Variants in RUBCN observed in about 807,000 individuals in gnomAD.
RUBCN encodes run domain Beclin-1-interacting and cysteine-rich domain-containing protein.
Under a neutral mutation model 113.2 loss-of-function variants are expected in RUBCN, and 74 were observed. The observed-to-expected ratio is 0.65, with a 90% CI of 0.54 to 0.79. The LOEUF (loss-of-function observed/expected upper bound fraction) is 0.79. Among genes scored for constraint, RUBCN ranks in the 30% least tolerant of loss-of-function variants. RUBCN has a pLI of 0.00. For synonymous variants in RUBCN, 480 were observed against 490.0 expected (o/e 0.98, Z 0.27); for missense variants, 1,109 against 1,251.7 (o/e 0.89, Z 1.72).
At chr3:197,712,715 C>T (rs1725089391) in intron 2 of RUBCN, among the ~76,000 whole-genome samples, 2 of 151,884 alleles carry the variant, frequency 1.3e-5, no homozygotes, top group Admixed American at 6.6e-5. Flanking sequence ...CTGGGGTTCT[C>T]AGGATAGGAG....
chr3:197,693,712 T>C lies in RUBCN; in HGVS notation c.1786+3A>G. Reference sequence around the variant, plus strand: ...TCCCTTGTAACAAAGTGTCACTTCTTACCTTGGATTTCAAATTCATCAACC... The same window carrying C: ...TCCCTTGTAACAAAGTGTCACTTCTCACCTTGGATTTCAAATTCATCAACC... On this transcript the variant is annotated splice_donor_region_variant and intron_variant, in intron 11 of 19. Transcript: ENST00000296343. The C allele has an allele frequency of 6.3e-7, 1 of 1,597,846 alleles. No homozygotes were observed. Among genetic ancestry groups the C allele is most frequent in the East Asian group, 2.2e-5 (1 of 44,788 alleles).
chr3:197,684,064 T>C, intron 12 of RUBCN, 93 bp downstream of exon 12: 2 of 988,974 alleles, frequency 2.0e-6, no homozygotes, highest in Non-Finnish European at 3.2e-6. Context: ...TACATCTGGA[T>C]GGCTTTGCCC....
At chr3:197,715,183 G>A (rs1343175620) in intron 2 of RUBCN, among the ~76,000 whole-genome samples, 8 of 151,558 alleles carry the variant, frequency 5.3e-5, no homozygotes, top group Non-Finnish European at 1.0e-4. Context: ...CAGCTACTCG[G>A]GAGGCTGAGG....
In RUBCN at chr3:197,703,610, G is replaced by A. The variant is rs1184260902; in HGVS notation, c.508C>T (p.Gln170Ter). ...TTCTGTTCCACTGCTTCCAGGCACT[G>A]CAGCATGGCCGTGACATGAGCGTCA... ...LSDAHVTAML[Q>*]CLEAVEQNNP... The change falls in exon 5 of 20, where the codon CAG becomes TAG. Residue 170 changes from glutamine (Q) to a stop codon, truncating the protein, a stop_gained. Transcript: ENST00000296343. LOFTEE classifies it high-confidence loss of function. 1 of 1,613,896 alleles carries A rather than the reference G, an allele frequency of 6.2e-7. No individual in the cohort carries two copies. Among genetic ancestry groups the A allele is most frequent in the South Asian group, 1.1e-5 (1 of 91,068 alleles).
rs373600297 is a variant in RUBCN, at chr3:197,676,951, C to G, written c.2580G>C (p.Lys860Asn). 7 of 1,614,236 alleles carry G rather than the reference C, an allele frequency of 4.3e-6. No homozygotes were observed. The highest frequency in any genetic ancestry group is 2.2e-5 in the East Asian group (1 of 44,890). The change falls in exon 18 of 20, where the codon AAG becomes AAC. Residue 860 changes from lysine (K) to asparagine (N), a missense_variant. This residue lies in a region of RUBCN where 306 missense variants were observed against 348.9 expected (regional missense o/e 0.88). Coordinates refer to ENST00000296343, the MANE Select transcript of RUBCN (RefSeq NM_014687.4). ...CAGCAAGCCGGGGCCCCAGCTCCCCCTTCCTGGTCGCAGTCAGGTCATTCA... is the reference window on the plus strand; with the variant it reads ...CAGCAAGCCGGGGCCCCAGCTCCCCGTTCCTGGTCGCAGTCAGGTCATTCA... ...YSLNDLTATR[K>N]GELGPRLAEL...
intron 1 of RUBCN, among the ~76,000 whole-genome samples, chr3:197,732,155 G>A (rs765070509): frequency 2.0e-5 from 3 of 152,302 alleles, no homozygotes; most frequent in South Asian, 2.1e-4. Flanking sequence ...CCTGGATCAC[G>A]GTGCCAGGAG....
rs907225236 is a variant in RUBCN at position 197,693,697 on chromosome 3, C to CA, written c.1786+17dup. 2.6e-6 allele frequency: 4 copies of CA among 1,530,360 alleles called. No homozygotes were observed. Among genetic ancestry groups the CA allele is most frequent in the Middle Eastern group, 1.7e-4 (1 of 5,930 alleles). The allele number at this position is 1,530,360 out of a possible 1,614,324, so 94.8% of individuals were successfully genotyped here. ...AAACAGAATAAAAGTTCCCTTGTAA[C>CA]AAAGTGTCACTTCTTACCTTGGATT... On this transcript the variant is annotated intron_variant, in intron 11 of 19. Transcript: ENST00000296343.
Position 197,701,057 on chromosome 3 carries a change from T to C in RUBCN, c.817A>G (p.Ile273Val). The change falls in exon 7 of 20, where the codon ATC becomes GTC. Residue 273 changes from isoleucine to valine, a missense_variant. Ile to Val is a conservative substitution (Grantham distance 29). Around this residue, in one of 3 missense-constraint regions of RUBCN, gnomAD observed 736 missense variants for 779.6 expected, o/e 0.94. Coordinates refer to ENST00000296343, the MANE Select transcript of RUBCN (RefSeq NM_014687.4). ...GHVSPAEDQT[I>V]QAPPVSVSAL... ...GAGACTGAAACTGGGGGGGCTTGGA[T>C]GGTTTGATCCTCTGCTGGTGAGACG... 8 of 1,613,290 alleles carry C rather than the reference T, an allele frequency of 5.0e-6. No individual in the cohort carries two copies. Among genetic ancestry groups the C allele is most frequent in the Non-Finnish European group, 6.8e-6 (8 of 1,179,558 alleles).
intron 10 of RUBCN, 56 bp downstream of exon 10, chr3:197,694,319 C>T: frequency 2.7e-6 from 4 of 1,474,974 alleles, no homozygotes; most frequent in Non-Finnish European, 3.8e-6. Flanking sequence ...GGGCACCAGG[C>T]CTTATGCTGA....
intron 2 of RUBCN, among the ~76,000 whole-genome samples, chr3:197,714,359 G>T (rs1725284900): frequency 1.3e-5 from 2 of 152,076 alleles, no homozygotes; most frequent in South Asian, 4.1e-4. Flanking sequence ...TTGAGACAGG[G>T]TCTCCCTCTA....
At chr3:197,743,592 C>G (rs1728615040) in intron 1 of RUBCN, among the ~76,000 whole-genome samples, 1 of 152,178 alleles carries the variant, frequency 6.6e-6, no homozygotes, top group Non-Finnish European at 1.5e-5. Context: ...AAGACAGCAG[C>G]AGACAGGTAG....
At chr3:197,707,325 C>A (rs757868210) in intron 2 of RUBCN, among the ~76,000 whole-genome samples, 1 of 151,688 alleles carries the variant, frequency 6.6e-6, no homozygotes, top group Non-Finnish European at 1.5e-5. Flanking sequence ...GAGCGAGACT[C>A]CGGTCTCAAA....
chr3:197,700,691 G>C lies in RUBCN; in HGVS notation c.1183C>G (p.Leu395Val). 6.2e-7 allele frequency: 1 copy of C among 1,614,214 alleles called. No individual in the cohort carries two copies. Among genetic ancestry groups the C allele is most frequent in the Non-Finnish European group, 8.5e-7 (1 of 1,180,038 alleles). Residue 395 changes from leucine (L) to valine (V), a missense_variant, in exon 7 of 20, where the codon CTC becomes GTC. Leu to Val is a conservative substitution (Grantham distance 32). This residue lies in a region of RUBCN where 736 missense variants were observed against 779.6 expected (regional missense o/e 0.94). Coordinates refer to ENST00000296343, the MANE Select transcript of RUBCN (RefSeq NM_014687.4). Reference protein sequence around the residue: ...RRSSFSEGQTLTVTSGAKKSH... With the variant: ...RRSSFSEGQTVTVTSGAKKSH... ...TTCTTTGCCCCACTGGTGACAGTGA[G>C]TGTCTGCCCCTCTGAGAAGCTGGAC...
intron 2 of RUBCN, among the ~76,000 whole-genome samples, chr3:197,705,556 C>A (rs1173139259): frequency 1.5e-5 from 2 of 129,952 alleles, no homozygotes; most frequent in African/African-American, 3.0e-5. Flanking sequence ...CAGAGTGAGA[C>A]CCTAACTCAG....
intron 1 of RUBCN, among the ~76,000 whole-genome samples, chr3:197,732,241 C>A (rs192381831): frequency 6.6e-6 from 1 of 152,120 alleles, no homozygotes; most frequent in Non-Finnish European, 1.5e-5. Context: ...GGAGACAGTA[C>A]ACTGCATGGC....
chr3:197,716,611 G>A (rs948606293), intron 2 of RUBCN, among the ~76,000 whole-genome samples: 9 of 152,210 alleles, frequency 5.9e-5, no homozygotes, highest in African/African-American at 2.2e-4. Context: ...GGTCCTCCAA[G>A]ATGTCTACAT....
chr3:197,690,387 G>A (rs549675324), intron 11 of RUBCN, among the ~76,000 whole-genome samples: 5 of 152,286 alleles, frequency 3.3e-5, no homozygotes, highest in South Asian at 2.1e-4. Context: ...GCAGTGAGCC[G>A]AGATTGCGCC....
chr3:197,693,232 C>T (rs1183994596), intron 11 of RUBCN, among the ~76,000 whole-genome samples: 3 of 152,204 alleles, frequency 2.0e-5, no homozygotes, highest in Admixed American at 1.3e-4. Context: ...CTGTGCTGAG[C>T]AGTGAGCACC....
rs548565004 is a variant in RUBCN, at chr3:197,715,899, T to C, written c.219+2078A>G. On this transcript the variant is annotated intron_variant, in intron 2 of 19. Transcript: ENST00000296343. ...TCCCATTATTAATTTGAAGTAAAGA[T>C]AGTAATAACAAAAGTCTAAATTTAG... Among the ~76,000 whole-genome samples the C allele has an allele frequency of 4.4e-4, 67 of 152,296 alleles. No individual in the cohort carries two copies. In the South Asian group the frequency reaches 7.0e-3, roughly 16 times the overall value.
Sources: gnomAD v4.1 joint callset for allele counts (sites outside exome capture counted in the v4.1 genomes callset) on GRCh38, gnomAD v4.1.1 for gene constraint, gnomAD v4.1.1 regional missense constraint, MANE v1.5 for transcripts, NCBI Gene and HGNC (gene_info 2026-07-23, HGNC 2026-07-21) for gene names.